TRAPPC9: variants seen among roughly 807,000 people sequenced by gnomAD.
The protein encoded by TRAPPC9 is trafficking protein particle complex subunit 9.
TRAPPC9 carries 83 observed loss-of-function variants against 124.0 expected under a neutral mutation model. The observed-to-expected ratio is 0.67, with a 90% CI of 0.56 to 0.80. The LOEUF is 0.80. Among genes scored for constraint, TRAPPC9 ranks in the 30% least tolerant of loss-of-function variants. The pLI, the probability that TRAPPC9 is intolerant of heterozygous loss-of-function variation, is 0.00. For synonymous variants in TRAPPC9, 638 were observed against 617.5 expected (o/e 1.03, Z -0.49); for missense variants, 1,302 against 1,508.3 (o/e 0.86, Z 2.27).
chr8:139,991,084 C>T lies in TRAPPC9; in HGVS notation c.2700-2248G>A, dbSNP rs1333519577. Among the ~76,000 whole-genome samples the T allele has an allele frequency of 1.3e-5, 2 of 152,196 alleles. 1 individual carries two copies. The highest frequency in any genetic ancestry group is 6.8e-3 in the Middle Eastern group (2 of 294). The stretch of plus-strand genomic sequence containing the variant: ...CTCAGCTCACAGAAAAATGAGCTTC[C>T]GAGAATGAAGATCTATTCCTCTGTT... On this transcript the variant is annotated intron_variant, in intron 18 of 22. Transcript: ENST00000438773.
At chr8:139,732,541 C>A (rs538060592) in intron 21 of TRAPPC9, among the ~76,000 whole-genome samples, 1 of 152,154 alleles carries the variant, frequency 6.6e-6, no homozygotes, top group Non-Finnish European at 1.5e-5. Flanking sequence ...AGTCTGACAC[C>A]GTAGAGGCGA....
intron 11 of TRAPPC9, among the ~76,000 whole-genome samples, chr8:140,294,333 GC>G (rs1563923287): frequency 3.3e-5 from 5 of 151,972 alleles, no homozygotes. Context: ...GCCTGACCCC[GC>G]CTCACCCAGC....
At chr8:140,143,759 C>T (rs969046794) in intron 17 of TRAPPC9, among the ~76,000 whole-genome samples, 1 of 152,186 alleles carries the variant, frequency 6.6e-6, no homozygotes, top group Non-Finnish European at 1.5e-5. Context: ...AACCAAATGT[C>T]CCAGCATCTT....
Position 140,382,987 on chromosome 8 carries a change from G to C in TRAPPC9, c.1135-11807C>G, listed in dbSNP as rs573110888. On this transcript the variant is annotated intron_variant, in intron 7 of 22. Coordinates refer to ENST00000438773, the MANE Select transcript of TRAPPC9 (RefSeq NM_001160372.4). ...AAACTTCCAGAGGAACGATCAGGCAGCAACATTTGCTGTTCAGCAATATTA... is the reference window on the plus strand; with the variant it reads ...AAACTTCCAGAGGAACGATCAGGCACCAACATTTGCTGTTCAGCAATATTA... Among the ~76,000 whole-genome samples, 25 of 152,350 alleles carry C rather than the reference G, an allele frequency of 1.6e-4. No homozygotes were observed. In the South Asian group the frequency reaches 1.7e-3, roughly 10 times the overall value.
chr8:140,157,272 CTTTTCCATTCAAAAGCCTCCCT>C (rs1563804850), intron 17 of TRAPPC9, among the ~76,000 whole-genome samples: 3 of 14,766 alleles, frequency 2.0e-4, no homozygotes, highest in East Asian at 9.9e-3. Flanking sequence ...AAAAGCCTCC[CTTTTCCATTCAAAAGCCTCCCT>C]TTTCCATTCA....
At chr8:140,246,003 G>A (rs907503535) in intron 16 of TRAPPC9, among the ~76,000 whole-genome samples, 2 of 152,200 alleles carry the variant, frequency 1.3e-5, no homozygotes, top group South Asian at 2.1e-4. Context: ...TCATCAACTG[G>A]TATTAGATCG....
At position 139,750,066 on chromosome 8, in the gene TRAPPC9, C is replaced by T. The variant is rs575732743; in HGVS notation, c.3056-17864G>A. On this transcript the variant is annotated intron_variant, in intron 21 of 22. Transcript: ENST00000438773. ...GAGTGTCCCCCACCCCATCCCATCT[C>T]AGCTGGGAGTGGTGGGGGCTGGATA... Among the ~76,000 whole-genome samples the T allele has an allele frequency of 3.4e-3, 513 of 152,232 alleles. 6 individuals are homozygous for T. Among genetic ancestry groups the T allele is most frequent in the Non-Finnish European group, 3.5e-3 (238 of 68,004 alleles).
At chr8:139,904,998 T>C (rs1173516490) in intron 20 of TRAPPC9, 1 of 152,238 alleles carries the variant, frequency 6.6e-6, no homozygotes, top group Non-Finnish European at 1.5e-5. Context: ...GAGTTGGCTA[T>C]GCTAAGGTTT....
chr8:139,813,899 T>A (rs570794353), intron 21 of TRAPPC9, among the ~76,000 whole-genome samples: 70 of 152,016 alleles, frequency 4.6e-4, no homozygotes, highest in African/African-American at 1.6e-3. Context: ...GGTGACAGCG[T>A]GGGGGCAGAG....
rs1330454411 is a variant in TRAPPC9, at chr8:140,077,558, A to G, written c.2557-53479T>C. 2.6e-5 allele frequency among the ~76,000 whole-genome samples: 4 copies of G among 151,892 alleles called. No homozygotes were observed. The East Asian group carries it at 7.8e-4, about 30-fold the overall frequency. On this transcript the variant is annotated intron_variant, in intron 17 of 22. Coordinates refer to ENST00000438773, the MANE Select transcript of TRAPPC9 (RefSeq NM_001160372.4). Reference sequence around the variant, plus strand: ...CAGCCCAGAGAAGGTGCCTTCCGCTATCTTCTGCTTGCATGCATTTGAGCA... The same window carrying G: ...CAGCCCAGAGAAGGTGCCTTCCGCTGTCTTCTGCTTGCATGCATTTGAGCA...
intron 9 of TRAPPC9, among the ~76,000 whole-genome samples, chr8:140,335,955 G>A (rs375542349): frequency 5.3e-5 from 8 of 152,126 alleles, no homozygotes; most frequent in Middle Eastern, 3.4e-3. Context: ...TGGTAGGCCC[G>A]CCTTGGCCCC....
chr8:140,354,751 A>G (rs1224097314), intron 9 of TRAPPC9, among the ~76,000 whole-genome samples: 2 of 152,226 alleles, frequency 1.3e-5, no homozygotes, highest in Non-Finnish European at 2.9e-5. Flanking sequence ...AGCAAAAAAG[A>G]CCATCCAATA....
At chr8:140,042,923 T>C (rs1841361014) in intron 17 of TRAPPC9, among the ~76,000 whole-genome samples, 1 of 152,202 alleles carries the variant, frequency 6.6e-6, no homozygotes, top group Non-Finnish European at 1.5e-5. Context: ...CAGCCCTAGG[T>C]GAACGGCTCC....
At chr8:139,842,626 C>A (rs1826806371) in intron 21 of TRAPPC9, among the ~76,000 whole-genome samples, 1 of 134,668 alleles carries the variant, frequency 7.4e-6, no homozygotes. Context: ...TGGCCCCCGC[C>A]TGAGAAGGCT....
intron 20 of TRAPPC9, among the ~76,000 whole-genome samples, chr8:139,890,860 A>G (rs1486976802): frequency 2.0e-5 from 3 of 151,848 alleles, no homozygotes. Context: ...AAATAAAAAA[A>G]TTTAAAAATT....
chr8:140,321,081 G>A (rs941000517), intron 9 of TRAPPC9, among the ~76,000 whole-genome samples: 1 of 152,262 alleles, frequency 6.6e-6, no homozygotes, highest in Non-Finnish European at 1.5e-5. Context: ...ATTCCAGACA[G>A]AAGGGAAGCT....
At chr8:139,876,731 C>T (rs1829345090) in intron 21 of TRAPPC9, among the ~76,000 whole-genome samples, 1 of 152,222 alleles carries the variant, frequency 6.6e-6, no homozygotes, top group Admixed American at 6.5e-5. Context: ...CCAGCCTCAC[C>T]TCCCTCTCCT....
Position 140,149,178 on chromosome 8 carries a change from C to G in TRAPPC9, c.2556+72281G>C, listed in dbSNP as rs570194898. Among the ~76,000 whole-genome samples the G allele has an allele frequency of 1.4e-4, 22 of 152,178 alleles. 1 individual carries two copies. The East Asian group carries it at 2.7e-3, about 19-fold the overall frequency. On this transcript the variant is annotated intron_variant, in intron 17 of 22. Transcript: ENST00000438773. ...CGAGATGTCACCCTCTGATCTCGTTCCATTGCTCTGGTCTACCTGCAGACA... is the reference window on the plus strand; with the variant it reads ...CGAGATGTCACCCTCTGATCTCGTTGCATTGCTCTGGTCTACCTGCAGACA...
At chr8:140,001,383 TATAATA>T (rs35540594) in intron 18 of TRAPPC9, among the ~76,000 whole-genome samples, 2 of 150,536 alleles carry the variant, frequency 1.3e-5, no homozygotes. Flanking sequence ...GAACTTAAAG[TATAATA>T]ATAATAATAA....
Sources: gnomAD v4.1 joint callset for allele counts (sites outside exome capture counted in the v4.1 genomes callset) on GRCh38, gnomAD v4.1.1 for gene constraint, MANE v1.5 for transcripts, NCBI Gene and HGNC (gene_info 2026-07-23, HGNC 2026-07-21) for gene names.